Variants in ESPN observed in about 807,000 individuals in gnomAD.
ESPN encodes the protein autosomal recessive deafness type 36 protein.
Under a neutral mutation model 77.7 loss-of-function variants are expected in ESPN, and 68 were observed. The observed-to-expected ratio is 0.87, with a 90% CI of 0.72 to 1.07. ESPN has a LOEUF of 1.07. Ranked by LOEUF, ESPN falls within the 50% of genes least tolerant of loss-of-function variation. The probability of loss-of-function intolerance (pLI) is 0.00; values close to 1 mark genes in which losing one functional copy is unlikely to be tolerated. For missense variants in ESPN, 1,060 were observed against 1,239.0 expected, an observed-to-expected ratio of 0.86 and a Z score of 2.17; for synonymous variants, 449 against 567.1, an observed-to-expected ratio of 0.79 and a Z score of 2.96.
In ESPN at chr1:6,451,835, C is replaced by A. The variant is rs377130734; in HGVS notation, c.2064C>A (p.Pro688=). ...FSGIGQPAFQ[P]DSPLPSVSPA... ...AGCCCCACCGCTTCTCCCTGCAGCC[C>A]GATTCGCCGCTGCCTTCTGTGTCAC... Residue 688 remains proline (P), a splice_region_variant and synonymous_variant, in exon 10 of 13, where the codon CCC becomes CCA. Transcript: ENST00000645284. This position sits in a 1 kb window ranked among gnomAD's most constrained non-coding sequence, Gnocchi z 4.3. 1.2e-6 allele frequency: 2 copies of A among 1,610,986 alleles called. No individual in the cohort carries two copies. Among genetic ancestry groups the A allele is most frequent in the Non-Finnish European group, 1.7e-6 (2 of 1,179,230 alleles).
chr1:6,454,706 C>G (rs1054711487), intron 10 of ESPN: 1 of 398,458 alleles, frequency 2.5e-6, no homozygotes. Context: ...TGCATGGCCG[C>G]GCCGCCAGCC....
At chr1:6,445,493 G>A (rs1643795025) in intron 6 of ESPN, 171 bp from the exon 7 acceptor site, 1 of 736,442 alleles carries the variant, frequency 1.4e-6, no homozygotes, top group African/African-American at 1.7e-5. Flanking sequence ...GGCAGGGTAG[G>A]GCCAGGGAGG....
chr1:6,456,703 A>T (rs2148547817), intron 10 of ESPN: 3 of 240,914 alleles, frequency 1.2e-5, no homozygotes, highest in Middle Eastern at 3.0e-3. Context: ...CCTGCCCCTG[A>T]TGTCATTGTA....
At chr1:6,438,334 C>A (rs909672367) in intron 2 of ESPN, among the ~76,000 whole-genome samples, 1 of 152,258 alleles carries the variant, frequency 6.6e-6, no homozygotes, top group African/African-American at 2.4e-5. Flanking sequence ...GTGCGCCAGG[C>A]ACCAGGCCTG....
chr1:6,447,225 G>A lies in ESPN; in HGVS notation c.1464+1290G>A, dbSNP rs911752063. The A allele has an allele frequency of 2.6e-4, 39 of 152,470 alleles. No homozygotes were observed. Among genetic ancestry groups the A allele is most frequent in the African/African-American group, 9.2e-4 (38 of 41,496 alleles). The allele number at this position is 152,470 out of a possible 1,614,324, so 9.4% of individuals were successfully genotyped here. A position where few individuals can be genotyped will look rare whatever the true frequency, so the allele number is the denominator to read the frequency against. On this transcript the variant is annotated intron_variant, in intron 7 of 12. Transcript: ENST00000645284. This position sits in a 1 kb window ranked among gnomAD's most constrained non-coding sequence, Gnocchi z 5.2. ...CCTCCCCACTGTGTGCGCCCCTCCC[G>A]GCTATGTGCGTCCATCTCGGCCGTG... is the stretch of plus-strand genomic sequence containing the variant.
At position 6,448,966 on chromosome 1, in the gene ESPN, C is replaced by T. The variant is rs1463836989; in HGVS notation, c.1790C>T (p.Pro597Leu). Residue 597 changes from proline (P) to leucine (L), a missense_variant, in exon 8 of 13, where the codon CCG (proline) becomes CTG (leucine). Physicochemically the swap from Pro to Leu is moderately conservative, Grantham distance 98. Coordinates refer to ENST00000645284, the MANE Select transcript of ESPN (RefSeq NM_031475.3). ...CCCAAGGCGTCCAGGGAGCTGCCAC[C>T]GCCGCCCCCACCGCCGCCGCCGCCC... is the stretch of plus-strand genomic sequence containing the variant. ...ADPKASRELP[P>L]PPPPPPPPLP... is the part of the protein sequence containing the mutation. 2.8e-6 allele frequency: 4 copies of T among 1,407,430 alleles called. No homozygotes were observed. Among genetic ancestry groups the T allele is most frequent in the Non-Finnish European group, 3.7e-6 (4 of 1,078,994 alleles). 87.2% of individuals were successfully genotyped at this position (1,407,430 alleles called of 1,614,324 possible).
Position 6,425,139 on chromosome 1 carries a change from C to G in ESPN, c.184C>G (p.Pro62Ala), listed in dbSNP as rs1168347834. Residue 62 changes from proline to alanine, a missense_variant, in exon 1 of 13, where the codon CCC becomes GCC. Coordinates refer to ENST00000645284, the MANE Select transcript of ESPN (RefSeq NM_031475.3). ...CTTCCTGGTGGAGGAAGCCGCCCTCCCCGCCGCGGCCCGCGCCCGCAACGG... is the reference window on the plus strand; with the variant it reads ...CTTCCTGGTGGAGGAAGCCGCCCTCGCCGCCGCGGCCCGCGCCCGCAACGG... The part of the protein sequence containing the change: ...LRFLVEEAAL[P>A]AAARARNGAT... 5 of 1,508,376 alleles carry G rather than the reference C, an allele frequency of 3.3e-6. No homozygotes were observed. The allele number at this position is 1,508,376 out of a possible 1,614,324, so 93.4% of individuals were successfully genotyped here.
At chr1:6,455,678 G>A (rs1002338398) in intron 10 of ESPN, 18 of 398,958 alleles carry the variant, frequency 4.5e-5, no homozygotes, top group African/African-American at 3.3e-4. Context: ...TACTCGAGAT[G>A]GGCCTGAGCC....
intron 5 of ESPN, among the ~76,000 whole-genome samples, chr1:6,444,062 C>T (rs1383652726): frequency 6.6e-6 from 1 of 152,216 alleles, no homozygotes. Context: ...TGCCCCAGGC[C>T]CCAGGTCCAG....
At chr1:6,448,328 TC>T in intron 7 of ESPN, 1 of 320,970 alleles carries the variant, frequency 3.1e-6, no homozygotes, top group East Asian at 6.1e-5. Flanking sequence ...CTTCGCCAGC[TC>T]CCCCTGGCGT....
intron 2 of ESPN, among the ~76,000 whole-genome samples, chr1:6,435,648 T>C (rs1569615960): frequency 6.6e-6 from 1 of 152,020 alleles, no homozygotes; most frequent in African/African-American, 2.4e-5. Flanking sequence ...CTGGCAGGGG[T>C]CTGGGAGTCA....
intron 12 of ESPN, among the ~76,000 whole-genome samples, chr1:6,459,796 C>T (rs1460292127): frequency 6.6e-6 from 1 of 152,210 alleles, no homozygotes; most frequent in African/African-American, 2.4e-5. Context: ...ACCTCCCACT[C>T]ACCCAGCTCC....
chr1:6,455,959 CGGGGGA>C, intron 10 of ESPN: 1 of 398,684 alleles, frequency 2.5e-6, no homozygotes, highest in Non-Finnish European at 4.4e-6. Context: ...CCATTTCAGA[CGGGGGA>C]CCCGCCTGAG....
At chr1:6,439,523 G>A (rs1245190863) in intron 2 of ESPN, among the ~76,000 whole-genome samples, 1 of 152,168 alleles carries the variant, frequency 6.6e-6, no homozygotes, top group Non-Finnish European at 1.5e-5. Context: ...CCAGCAAGGG[G>A]GAAATAAATC....
At chr1:6,441,123 GT>G (rs1378859814) in intron 5 of ESPN, 58 bp downstream of exon 5, 1 of 1,578,042 alleles carries the variant, frequency 6.3e-7, no homozygotes, top group African/African-American at 1.3e-5. Context: ...CACCCCAGTG[GT>G]GGGTGTCGTC....
rs1233723762 is a variant in ESPN, at chr1:6,440,272, C to T, written c.507C>T (p.Thr169=). The T allele has an allele frequency of 6.5e-7, 1 of 1,550,056 alleles. No individual in the cohort carries two copies. Among genetic ancestry groups the T allele is most frequent in the African/African-American group, 1.4e-5 (1 of 73,012 alleles). Residue 169 remains threonine (T), a synonymous_variant, in exon 3 of 13, where the codon ACC becomes ACT. Transcript: ENST00000645284. ...EHYPEGVNAQ[T]KNGATPLYLA... is the part of the protein sequence containing the mutation. ...TCCGCAGGGGAGTGAATGCCCAAAC[C>T]AAGAACGGTGCCACGCCCCTGTACC... is the stretch of plus-strand genomic sequence containing the variant.
chr1:6,460,144 T>C lies in ESPN; in HGVS notation c.2563T>C (p.Ter855GlnextTer74). 6.2e-7 allele frequency: 1 copy of C among 1,611,116 alleles called. No homozygotes were observed. Among genetic ancestry groups the C allele is most frequent in the East Asian group, 2.2e-5 (1 of 44,820 alleles). The part of the protein sequence containing the change: ...ILKKGDIAKY[*>Q] ...GAAGAAGGGGGACATCGCTAAGTACTAGAGGCCGCAGACTCCTGTCCGCAG... is the reference window on the plus strand; with the variant it reads ...GAAGAAGGGGGACATCGCTAAGTACCAGAGGCCGCAGACTCCTGTCCGCAG... The change falls in exon 13 of 13, where the codon TAG becomes CAG. Residue 855 changes from the stop codon to glutamine, a stop_lost. Coordinates refer to ENST00000645284, the MANE Select transcript of ESPN (RefSeq NM_031475.3).
Position 6,448,695 on chromosome 1 carries a change from C to T in ESPN, c.1519C>T (p.Pro507Ser), listed in dbSNP as rs767255062. The part of the protein sequence containing the change: ...GLRRQDSSRK[P>S]RAFSKQPSTG... ...GCGGAGGCAGGACTCCAGCCGCAAG[C>T]CCCGCGCCTTCAGCAAGCAGCCCAG... The change falls in exon 8 of 13, where the codon CCC becomes TCC. Residue 507 changes from proline to serine, a missense_variant. Pro to Ser is a moderately conservative substitution (Grantham distance 74). Coordinates refer to ENST00000645284, the MANE Select transcript of ESPN (RefSeq NM_031475.3). 3 of 1,543,486 alleles carry T rather than the reference C, an allele frequency of 1.9e-6. No homozygotes were observed. In the East Asian group the frequency reaches 7.4e-5, roughly 38 times the overall value.
rs60316984 is a variant in ESPN at position 6,429,680 on chromosome 1, G to A, written c.488+1261G>A. Among the ~76,000 whole-genome samples the A allele has an allele frequency of 4.8e-3, 727 of 152,328 alleles. 9 individuals carry two copies. The East Asian group carries it at 0.054, about 11-fold the overall frequency. ...CCTTCTGCAAGTGCTGGTGGGGACC[G>A]CCAGCCCCTGAGCCTTCCTCACTGA... On this transcript the variant is annotated intron_variant, in intron 2 of 12. Coordinates refer to ENST00000645284, the MANE Select transcript of ESPN (RefSeq NM_031475.3).
Sources: allele counts gnomAD v4.1 joint callset (sites outside exome capture counted in the v4.1 genomes callset), GRCh38; gene constraint gnomAD v4.1.1; non-coding constraint Gnocchi (gnomAD v3.1); transcripts MANE v1.5; gene names NCBI Gene and HGNC (gene_info 2026-07-23, HGNC 2026-07-21).